Variants in ACYP2 observed in about 807,000 individuals in gnomAD.
ACYP2 encodes acylphosphatase 2.
ACYP2 carries 12 observed loss-of-function variants against 11.2 expected under a neutral mutation model. The observed-to-expected ratio is 1.08, with a 90% CI of 0.69 to 1.74. The LOEUF is 1.74. Ranked by LOEUF, ACYP2 falls within the 40% of genes most tolerant of loss-of-function variation. The pLI is 0.00. For missense variants in ACYP2, 134 were observed against 101.9 expected, an observed-to-expected ratio of 1.31 and a Z score of -1.35; for synonymous variants, 43 against 32.2, an observed-to-expected ratio of 1.33 and a Z score of -1.13.
intron 6 of ACYP2, among the ~76,000 whole-genome samples, chr2:54,280,674 G>A (rs1233226949): frequency 6.6e-6 from 1 of 152,176 alleles, no homozygotes; most frequent in African/African-American, 2.4e-5. Flanking sequence ...AACAATATAT[G>A]CCTTTCATTT....
intron 2 of ACYP2, among the ~76,000 whole-genome samples, chr2:54,019,962 A>G (rs577921234): frequency 6.6e-6 from 1 of 151,526 alleles, no homozygotes; most frequent in Non-Finnish European, 1.5e-5. Context: ...TTTGTTTTTG[A>G]GACGGAATCT....
rs535500896 is a variant in ACYP2 at position 54,158,711 on chromosome 2, G to A, written c.404+19963G>A. Among the ~76,000 whole-genome samples, 183 of 152,258 alleles carry A rather than the reference G, an allele frequency of 1.2e-3. 1 individual carries two copies. The highest frequency in any genetic ancestry group is 4.4e-3 in the African/African-American group (183 of 41,548). ...CTTTTAATTATAAAAATTATCAAGTGTTTTTCAAAACATACTGAGTAAACT... is the reference window on the plus strand; with the variant it reads ...CTTTTAATTATAAAAATTATCAAGTATTTTTCAAAACATACTGAGTAAACT... On this transcript the variant is annotated intron_variant, in intron 6 of 6. Transcript: ENST00000607452.
intron 2 of ACYP2, among the ~76,000 whole-genome samples, chr2:53,988,045 C>T (rs112503016): frequency 1.8e-4 from 28 of 152,100 alleles, no homozygotes; most frequent in Non-Finnish European, 3.8e-4. Flanking sequence ...TTTCCTTTAA[C>T]GTGTCAAACT....
chr2:54,155,845 A>G, intron 6 of ACYP2, among the ~76,000 whole-genome samples: 1 of 152,116 alleles, frequency 6.6e-6, no homozygotes, highest in East Asian at 1.9e-4. Context: ...GTAACATGTT[A>G]ATTTCCACAT....
chr2:54,294,759 A>G (rs1264969404), intron 6 of ACYP2, among the ~76,000 whole-genome samples: 1 of 151,826 alleles, frequency 6.6e-6, no homozygotes, highest in Non-Finnish European at 1.5e-5. Context: ...AAAAATTAAA[A>G]AAAAAAATTA....
At chr2:54,101,689 A>T (rs868358797) in intron 4 of ACYP2, among the ~76,000 whole-genome samples, 48 of 144,070 alleles carry the variant, frequency 3.3e-4, no homozygotes, top group African/African-American at 1.2e-3. Context: ...AAAAAAAAAA[A>T]ACTGCCAGGT....
chr2:54,292,966 A>C (rs773022666), intron 6 of ACYP2, among the ~76,000 whole-genome samples: 1 of 152,230 alleles, frequency 6.6e-6, no homozygotes. Flanking sequence ...AAAATGGCTA[A>C]GGTGGTTTTA....
rs1236824579 is a variant in ACYP2 at position 54,039,579 on chromosome 2, A to G, written c.63-11379A>G. Reference sequence around the variant, plus strand: ...GTAGCTGGGACTACACGTGTGCACTATCATACCTGGCTAATTTTTGTATTT... The same window carrying G: ...GTAGCTGGGACTACACGTGTGCACTGTCATACCTGGCTAATTTTTGTATTT... On this transcript the variant is annotated intron_variant, in intron 2 of 6. Transcript: ENST00000607452. 2.6e-5 allele frequency among the ~76,000 whole-genome samples: 4 copies of G among 152,086 alleles called. No homozygotes were observed. The East Asian group carries it at 7.7e-4, about 29-fold the overall frequency.
intron 6 of ACYP2, among the ~76,000 whole-genome samples, chr2:54,176,056 C>T (rs555637783): frequency 6.6e-6 from 1 of 152,094 alleles, no homozygotes; most frequent in East Asian, 1.9e-4. Flanking sequence ...TCTATTGGTG[C>T]CTCAATCTTG....
intron 2 of ACYP2, among the ~76,000 whole-genome samples, chr2:53,985,176 TCTC>T (rs1206861885): frequency 6.6e-6 from 1 of 151,914 alleles, no homozygotes; most frequent in Non-Finnish European, 1.5e-5. Flanking sequence ...TTCCCACCAT[TCTC>T]CTGCCTCAGC....
intron 6 of ACYP2, among the ~76,000 whole-genome samples, chr2:54,286,630 A>G (rs1239525303): frequency 6.6e-6 from 1 of 152,114 alleles, no homozygotes; most frequent in African/African-American, 2.4e-5. Flanking sequence ...TGCTCAACAG[A>G]TAACTTTTCT....
At chr2:54,205,502 C>T (rs1273235389) in intron 6 of ACYP2, among the ~76,000 whole-genome samples, 1 of 152,164 alleles carries the variant, frequency 6.6e-6, no homozygotes, top group Non-Finnish European at 1.5e-5. Context: ...ATACATCTAC[C>T]CTTCACCTCT....
At chr2:54,047,461 A>C (rs1230566392) in intron 2 of ACYP2, among the ~76,000 whole-genome samples, 1 of 152,246 alleles carries the variant, frequency 6.6e-6, no homozygotes, top group Admixed American at 6.5e-5. Flanking sequence ...TTTGCCATAC[A>C]GTTATTGAAT....
Position 54,041,266 on chromosome 2 carries a change from G to A in ACYP2, c.63-9692G>A, listed in dbSNP as rs1041651875. ...CCGGCCAGCGGTGGCCTTTTCTAGG[G>A]GCACAGAGTGTTCCTCTACAGTCAC... On this transcript the variant is annotated intron_variant, in intron 2 of 6. Transcript: ENST00000607452. 2.6e-5 allele frequency among the ~76,000 whole-genome samples: 4 copies of A among 151,950 alleles called. No homozygotes were observed. In the East Asian group the frequency reaches 5.8e-4, roughly 22 times the overall value.
intron 4 of ACYP2, among the ~76,000 whole-genome samples, chr2:54,118,354 C>G (rs967634264): frequency 2.0e-5 from 3 of 151,450 alleles, no homozygotes; most frequent in Non-Finnish European, 4.4e-5. Flanking sequence ...GTGAAGGAGT[C>G]TGTGTGTGTG....
At chr2:54,199,738 A>G (rs972488727) in intron 6 of ACYP2, among the ~76,000 whole-genome samples, 1 of 152,190 alleles carries the variant, frequency 6.6e-6, no homozygotes, top group African/African-American at 2.4e-5. Context: ...TGAAGTTTGG[A>G]TTTACCTTGG....
Position 54,023,870 on chromosome 2 carries a change from AAAG to A in ACYP2, c.63-27081_63-27079del, listed in dbSNP as rs1391746575. The stretch of plus-strand genomic sequence containing the variant: ...CACAGCTGAATTCTACCAGACATTC[AAAG>A]AAGAAGTGGTACCAATTCTGTTGAC... On this transcript the variant is annotated intron_variant, in intron 2 of 6. Coordinates refer to ENST00000607452, the MANE Select transcript of ACYP2 (RefSeq NM_001320586.2). 5.9e-5 allele frequency among the ~76,000 whole-genome samples: 9 copies of A among 152,218 alleles called. No individual in the cohort carries two copies. In the East Asian group the frequency reaches 1.3e-3, roughly 23 times the overall value.
intron 6 of ACYP2, among the ~76,000 whole-genome samples, chr2:54,285,139 T>C (rs1239442198): frequency 6.6e-6 from 1 of 152,220 alleles, no homozygotes; most frequent in East Asian, 1.9e-4. Flanking sequence ...ACAAGCTCCC[T>C]TGGGCCCTCT....
intron 2 of ACYP2, among the ~76,000 whole-genome samples, chr2:54,034,658 T>G (rs948320217): frequency 3.9e-5 from 6 of 152,190 alleles, no homozygotes; most frequent in African/African-American, 1.2e-4. Flanking sequence ...CATGACAGTA[T>G]ATTTACAACA....
Sources: allele counts gnomAD v4.1 joint callset (sites outside exome capture counted in the v4.1 genomes callset), GRCh38; gene constraint gnomAD v4.1.1; transcripts MANE v1.5; gene names NCBI Gene and HGNC (gene_info 2026-07-23, HGNC 2026-07-21).